PLEKHG4: variants seen among roughly 807,000 people sequenced by gnomAD.
The protein encoded by PLEKHG4 is puratrophin-1.
Under a neutral mutation model 136.9 loss-of-function variants are expected in PLEKHG4, and 85 were observed. That is an observed-to-expected ratio of 0.62 (90% CI 0.52 to 0.74). PLEKHG4 has a LOEUF of 0.74. PLEKHG4 is among the 30% of genes least tolerant of loss of function. The pLI, the probability that PLEKHG4 is intolerant of heterozygous loss-of-function variation, is 0.00. For synonymous variants in PLEKHG4, 577 were observed against 646.9 expected, an observed-to-expected ratio of 0.89 and a Z score of 1.64; for missense variants, 1,317 against 1,527.8, an observed-to-expected ratio of 0.86 and a Z score of 2.30.
At chr16:67,288,625 A>G in intron 21 of PLEKHG4, 21 bp downstream of exon 21, 1 of 1,613,276 alleles carries the variant, frequency 6.2e-7, no homozygotes, top group Non-Finnish European at 8.5e-7. Context: ...TTTGCCCTAT[A>G]CCCACCAGCC....
rs1166105577 is a variant in PLEKHG4 at position 67,287,898 on chromosome 16, A to G, written c.3104A>G (p.Glu1035Gly). Residue 1035 changes from glutamate to glycine, a missense_variant and splice_region_variant, in exon 19 of 22, where the codon GAG becomes GGG. Physicochemically the swap from Glu to Gly is moderately conservative, Grantham distance 98. Coordinates refer to ENST00000379344, the MANE Select transcript of PLEKHG4 (RefSeq NM_001129729.3). ...LLWRQAVHNK[E>G]VRMAEMVSMG... ...CCACTTATGTCCACTCTCCACCCAG[A>G]GGTGCGCATGGCTGAGATGGTGTCC... is the stretch of plus-strand genomic sequence containing the variant. 6.2e-7 allele frequency: 1 copy of G among 1,601,488 alleles called. No homozygotes were observed. The highest frequency in any genetic ancestry group is 1.3e-5 in the African/African-American group (1 of 74,758).
At chr16:67,283,922 G>T (rs1028499295) in intron 11 of PLEKHG4, among the ~76,000 whole-genome samples, 1 of 152,100 alleles carries the variant, frequency 6.6e-6, no homozygotes, top group Non-Finnish European at 1.5e-5. Context: ...CCAGAGAAGA[G>T]TGAGGAGAAT....
chr16:67,280,491 C>T lies in PLEKHG4; in HGVS notation c.447C>T (p.Asp149=). 1 of 1,607,826 alleles carries T rather than the reference C, an allele frequency of 6.2e-7. No homozygotes were observed. The highest frequency in any genetic ancestry group is 1.1e-5 in the South Asian group (1 of 89,948). ...SGLSPGALDS[D]PVGLGDPLSE... is the part of the protein sequence containing the mutation. ...TGAGCCCTGGGGCATTGGACAGCGA[C>T]CCTGTGGGCCTTGGAGACCCTTTAT... is the stretch of plus-strand genomic sequence containing the variant. The change falls in exon 2 of 22, where the codon GAC becomes GAT. Residue 149 remains aspartate (D), a synonymous_variant. Coordinates refer to ENST00000379344, the MANE Select transcript of PLEKHG4 (RefSeq NM_001129729.3). The surrounding 1 kb of genome is among the most constrained non-coding windows in gnomAD (Gnocchi z 4.4).
At chr16:67,287,449 G>A (rs1390321375) in intron 18 of PLEKHG4, 4 of 551,940 alleles carry the variant, frequency 7.2e-6, no homozygotes, top group Non-Finnish European at 1.3e-5. Context: ...GCCCAGGATG[G>A]CGTGCAGTGG....
In PLEKHG4 at chr16:67,287,095, G is replaced by A; in HGVS notation, c.3021G>A (p.Leu1007=). The A allele has an allele frequency of 6.2e-7, 1 of 1,612,926 alleles. No individual in the cohort carries two copies. The highest frequency in any genetic ancestry group is 8.5e-7 in the Non-Finnish European group (1 of 1,180,026). The change falls in exon 18 of 22, where the codon CTG becomes CTA. Residue 1007 remains leucine, a synonymous_variant. Coordinates refer to ENST00000379344, the MANE Select transcript of PLEKHG4 (RefSeq NM_001129729.3). Reference sequence around the variant, plus strand: ...GCAAGGCCAGGGACACCTTTGTGCTGCAGGCCTCCAGCCTGGCTATCAAGC... The same window carrying A: ...GCAAGGCCAGGGACACCTTTGTGCTACAGGCCTCCAGCCTGGCTATCAAGC... ...RRRKARDTFV[L]QASSLAIKQA...
chr16:67,288,679 C>T (rs765961341), intron 21 of PLEKHG4, 75 bp downstream of exon 21: 100 of 1,601,898 alleles, frequency 6.2e-5, no homozygotes, highest in Non-Finnish European at 8.2e-5. Context: ...CCAGCCCCTC[C>T]CCAGCCCAGG....
chr16:67,287,602 A>G (rs1169004120), intron 18 of PLEKHG4: 1 of 517,376 alleles, frequency 1.9e-6, no homozygotes, highest in Non-Finnish European at 3.5e-6. Context: ...TATATTGCCC[A>G]GACTGGTCTT....
chr16:67,288,740 C>T, intron 21 of PLEKHG4, 63 bp from the exon 22 acceptor site: 2 of 1,610,094 alleles, frequency 1.2e-6, no homozygotes, highest in Non-Finnish European at 1.7e-6. Context: ...AGAGCCATTC[C>T]CCAGACACCT....
In PLEKHG4 at chr16:67,286,599, G is replaced by T. The variant is rs574788785; in HGVS notation, c.2687G>T (p.Ser896Ile). The change falls in exon 16 of 22, where the codon AGC becomes ATC. Residue 896 changes from serine to isoleucine, a missense_variant. Transcript: ENST00000379344. ...CTCAGTGCGCTGCGGGAGGCCCAGA[G>T]CCTTGTGCACTTCCAGCTGCGGCAC... ...QELSALREAQ[S>I]LVHFQLRHGN... is the part of the protein sequence containing the mutation. 1.9e-5 allele frequency: 30 copies of T among 1,560,868 alleles called. No homozygotes were observed. The African/African-American group carries it at 3.7e-4, about 19-fold the overall frequency.
Position 67,285,175 on chromosome 16 carries a change from G to A in PLEKHG4, c.2155G>A (p.Val719Met). 1 of 1,613,532 alleles carries A rather than the reference G, an allele frequency of 6.2e-7. No homozygotes were observed. The highest frequency in any genetic ancestry group is 8.5e-7 in the Non-Finnish European group (1 of 1,179,998). ...GGALPQASPTVPPPGSSDPRS... is the reference protein window; with the variant it reads ...GGALPQASPTMPPPGSSDPRS... ...TGCCCTGCCCCAGGCATCCCCTACTGTGCCTCCACCAGGCAGCTCTGACCC... is the reference window on the plus strand; with the variant it reads ...TGCCCTGCCCCAGGCATCCCCTACTATGCCTCCACCAGGCAGCTCTGACCC... Residue 719 changes from valine (V) to methionine (M), a missense_variant, in exon 13 of 22, where the codon GTG (valine) becomes ATG (methionine). Coordinates refer to ENST00000379344, the MANE Select transcript of PLEKHG4 (RefSeq NM_001129729.3).
At position 67,284,067 on chromosome 16, in the gene PLEKHG4, G is replaced by A. The variant is rs192458336; in HGVS notation, c.1510-208G>A. On this transcript the variant is annotated intron_variant, in intron 11 of 21. Coordinates refer to ENST00000379344, the MANE Select transcript of PLEKHG4 (RefSeq NM_001129729.3). The surrounding 1 kb of genome is among the most constrained non-coding windows in gnomAD (Gnocchi z 4.4). ...TGGAGAGGGCTGGTGCGGAGGGCGA[G>A]ACGAGACGGTGAGGACAGATGATTC... 3.3e-5 allele frequency among the ~76,000 whole-genome samples: 5 copies of A among 152,248 alleles called. No individual in the cohort carries two copies. Among genetic ancestry groups the A allele is most frequent in the Admixed American group, 6.5e-5 (1 of 15,292 alleles).
At position 67,288,417 on chromosome 16, in the gene PLEKHG4, C is replaced by T; in HGVS notation, c.3454+17C>T. The T allele has an allele frequency of 1.2e-6, 2 of 1,612,760 alleles. No homozygotes were observed. Among genetic ancestry groups the T allele is most frequent in the Admixed American group, 3.3e-5 (2 of 60,028 alleles). On this transcript the variant is annotated intron_variant, in intron 20 of 21. Transcript: ENST00000379344. Reference sequence around the variant, plus strand: ...CCTCTTTGAGTATGTCTGGGCCTAGCCAGAGGCAGGAGGGCATGGCTTGGG... The same window carrying T: ...CCTCTTTGAGTATGTCTGGGCCTAGTCAGAGGCAGGAGGGCATGGCTTGGG...
intron 18 of PLEKHG4, 35 bp downstream of exon 18, chr16:67,287,212 C>G (rs752675716): frequency 1.3e-6 from 2 of 1,594,092 alleles, no homozygotes; most frequent in Non-Finnish European, 1.7e-6. Flanking sequence ...CCACACTCCC[C>G]TCACTGGAGA....
chr16:67,286,071 C>T (rs1280210157), intron 14 of PLEKHG4, among the ~76,000 whole-genome samples: 1 of 152,084 alleles, frequency 6.6e-6, no homozygotes, highest in Non-Finnish European at 1.5e-5. Context: ...TCCTTGGGGG[C>T]CTGTGGGCAC....
chr16:67,278,859 G>A, upstream of PLEKHG4: 1 of 152,602 alleles, frequency 6.6e-6, no homozygotes, highest in Non-Finnish European at 1.5e-5. Flanking sequence ...CCAGCCTCCT[G>A]CACCGGACTT....
chr16:67,280,166 T>C lies in PLEKHG4; in HGVS notation c.122T>C (p.Met41Thr). 1 of 1,613,856 alleles carries C rather than the reference T, an allele frequency of 6.2e-7. No homozygotes were observed. The highest frequency in any genetic ancestry group is 8.5e-7 in the Non-Finnish European group (1 of 1,179,952). The change falls in exon 2 of 22, where the codon ATG becomes ACG. Residue 41 changes from methionine (M) to threonine (T), a missense_variant. Physicochemically the swap from Met to Thr is moderately conservative, Grantham distance 81. Transcript: ENST00000379344. This position sits in a 1 kb window ranked among gnomAD's most constrained non-coding sequence, Gnocchi z 4.4. Reference sequence around the variant, plus strand: ...GAAGAGGAGGAACCTGCTTCCCAGATGCACGTTAAGGACCCAGGTCCTCCA... The same window carrying C: ...GAAGAGGAGGAACCTGCTTCCCAGACGCACGTTAAGGACCCAGGTCCTCCA... The part of the protein sequence containing the change: ...AWEEEEPASQ[M>T]HVKDPGPPRP...
In PLEKHG4 at chr16:67,281,833, G is replaced by A. The variant is rs141420337; in HGVS notation, c.1001G>A (p.Arg334Gln). The A allele has an allele frequency of 1.3e-4, 212 of 1,612,180 alleles. No homozygotes were observed. Among genetic ancestry groups the A allele is most frequent in the Non-Finnish European group, 1.7e-4 (200 of 1,179,436 alleles). The change falls in exon 7 of 22, where the codon CGA (arginine) becomes CAA (glutamine). Residue 334 changes from arginine (R) to glutamine (Q), a missense_variant. Arg to Gln is a conservative substitution (Grantham distance 43, BLOSUM62 1). Coordinates refer to ENST00000379344, the MANE Select transcript of PLEKHG4 (RefSeq NM_001129729.3). Reference protein sequence around the residue: ...PYCHQAWLDFRRRLEALLQNC... With the variant: ...PYCHQAWLDFQRRLEALLQNC... ...TGCCACCAGGCCTGGCTGGATTTCCGAAGGGTCAGTACACTGGGTGGGGCA... is the reference window on the plus strand; with the variant it reads ...TGCCACCAGGCCTGGCTGGATTTCCAAAGGGTCAGTACACTGGGTGGGGCA...
chr16:67,280,380 C>CT lies in PLEKHG4; in HGVS notation c.336_337insT (p.Leu113SerfsTer7). The CT allele has an allele frequency of 1.2e-6, 2 of 1,612,304 alleles. No homozygotes were observed. Among genetic ancestry groups the CT allele is most frequent in the Non-Finnish European group, 1.7e-6 (2 of 1,178,978 alleles). On this transcript the variant is annotated frameshift_variant, in exon 2 of 22. Coordinates refer to ENST00000379344, the MANE Select transcript of PLEKHG4 (RefSeq NM_001129729.3). LOFTEE classifies it high-confidence loss of function. This position sits in a 1 kb window ranked among gnomAD's most constrained non-coding sequence, Gnocchi z 4.4. ...GTCTCCTATGCCCCATGTCCTCCCA[C>CT]CTCAGCTTGGCACAGGGTGAGAGTG... is the stretch of plus-strand genomic sequence containing the variant.
Position 67,285,052 on chromosome 16 carries a change from T to C in PLEKHG4, c.2032T>C (p.Phe678Leu). Residue 678 changes from phenylalanine to leucine, a missense_variant, in exon 13 of 22, where the codon TTC becomes CTC. Transcript: ENST00000379344. ...AHPPLRKAYSFDRNLGQSLSE... is the reference protein window; with the variant it reads ...AHPPLRKAYSLDRNLGQSLSE... ...CCCTCCCCTGAGGAAGGCCTACAGC[T>C]TCGATCGGAATCTGGGGCAGAGTCT... is the stretch of plus-strand genomic sequence containing the variant. 6.2e-7 allele frequency: 1 copy of C among 1,613,554 alleles called. No individual in the cohort carries two copies. The highest frequency in any genetic ancestry group is 8.5e-7 in the Non-Finnish European group (1 of 1,180,014).
Sources: allele counts gnomAD v4.1 joint callset (sites outside exome capture counted in the v4.1 genomes callset), GRCh38; gene constraint gnomAD v4.1.1; non-coding constraint Gnocchi (gnomAD v3.1); transcripts MANE v1.5; gene names NCBI Gene and HGNC (gene_info 2026-07-23, HGNC 2026-07-21).